Variants in LRRC4C observed in about 807,000 individuals in gnomAD.
LRRC4C encodes the protein leucine-rich repeat-containing protein 4C.
A neutral mutation model predicts 33.6 loss-of-function variants in LRRC4C; 5 were observed. The ratio of observed to expected loss-of-function variants is 0.15; its 90% CI spans 0.08 to 0.31. LRRC4C has a LOEUF of 0.31. LRRC4C is among the 10% of genes least tolerant of loss of function. The probability of loss-of-function intolerance (pLI) is 1.00; values close to 1 mark genes in which losing one functional copy is unlikely to be tolerated. For synonymous variants in LRRC4C, 329 were observed against 302.0 expected, an observed-to-expected ratio of 1.09 and a Z score of -0.93; for missense variants, 560 against 796.7, an observed-to-expected ratio of 0.70 and a Z score of 3.58.
At chr11:40,357,944 G>A (rs955615665) in intron 3 of LRRC4C, among the ~76,000 whole-genome samples, 1 of 152,096 alleles carries the variant, frequency 6.6e-6, no homozygotes, top group African/African-American at 2.4e-5. Flanking sequence ...CAGCACTTTG[G>A]GAGGCCGAGG....
In LRRC4C at chr11:40,512,252, G is replaced by A. The variant is rs537093591; in HGVS notation, c.-270+135890C>T. 2.6e-5 allele frequency among the ~76,000 whole-genome samples: 4 copies of A among 152,164 alleles called. No homozygotes were observed. The East Asian group carries it at 5.8e-4, about 22-fold the overall frequency. On this transcript the variant is annotated intron_variant, in intron 3 of 6. Coordinates refer to ENST00000528697, the MANE Select transcript of LRRC4C (RefSeq NM_001258419.2). ...TAGCCAGTTGTGGTGGTACACACCC[G>A]TAGTTCCAGCTACTCGGCAGCTGAG...
intron 2 of LRRC4C, among the ~76,000 whole-genome samples, chr11:40,920,143 G>T (rs112440876): frequency 3.3e-5 from 5 of 152,142 alleles, no homozygotes; most frequent in Non-Finnish European, 7.4e-5. Flanking sequence ...TAAAAGCAAG[G>T]ATTCATTGAG....
rs151286719 is a variant in LRRC4C at position 41,133,776 on chromosome 11, C to T, written c.-495-200053G>A. Among the ~76,000 whole-genome samples, 201 of 152,248 alleles carry T rather than the reference C, an allele frequency of 1.3e-3. 1 individual carries two copies. The highest frequency in any genetic ancestry group is 4.7e-3 in the African/African-American group (196 of 41,548). ...CACCATCAATCATGCTACATAGCAT[C>T]CTTATCTTACCTTAAAGCATTCTTT... On this transcript the variant is annotated intron_variant, in intron 1 of 6. Coordinates refer to ENST00000528697, the MANE Select transcript of LRRC4C (RefSeq NM_001258419.2).
intron 1 of LRRC4C, among the ~76,000 whole-genome samples, chr11:41,159,124 A>G (rs1298910227): frequency 6.6e-6 from 1 of 151,952 alleles, no homozygotes; most frequent in Admixed American, 6.6e-5. Context: ...CATTTCTACA[A>G]AAATAATTTA....
intron 1 of LRRC4C, among the ~76,000 whole-genome samples, chr11:41,215,856 T>C (rs1473220178): frequency 1.3e-5 from 2 of 152,312 alleles, no homozygotes; most frequent in East Asian, 1.9e-4. Flanking sequence ...TGTTTTCATT[T>C]TGGGGGACAT....
chr11:41,021,007 A>G (rs1242258501), intron 1 of LRRC4C, among the ~76,000 whole-genome samples: 1 of 152,302 alleles, frequency 6.6e-6, no homozygotes, highest in South Asian at 2.1e-4. Context: ...GCTGATTTGC[A>G]TCACTTGCTC....
intron 4 of LRRC4C, among the ~76,000 whole-genome samples, chr11:40,263,257 C>T (rs905680054): frequency 6.6e-6 from 1 of 152,062 alleles, no homozygotes; most frequent in Non-Finnish European, 1.5e-5. Context: ...TGCTATGGGA[C>T]ATGGGACCAG....
chr11:40,619,052 AC>A (rs1239592572), intron 3 of LRRC4C, among the ~76,000 whole-genome samples: 1 of 151,698 alleles, frequency 6.6e-6, no homozygotes, highest in Non-Finnish European at 1.5e-5. Flanking sequence ...AGAAAGACAA[AC>A]ATCACATGTT....
chr11:40,452,313 A>T (rs1309631189), intron 3 of LRRC4C, among the ~76,000 whole-genome samples: 2 of 152,138 alleles, frequency 1.3e-5, no homozygotes. Context: ...GAATCTACAA[A>T]GAACTCAAAC....
intron 1 of LRRC4C, among the ~76,000 whole-genome samples, chr11:41,176,312 T>C (rs1417408197): frequency 6.6e-6 from 1 of 152,210 alleles, no homozygotes; most frequent in Non-Finnish European, 1.5e-5. Context: ...TCTAAGTCTT[T>C]ATAAGAAGAT....
In LRRC4C at chr11:41,290,295, A is replaced by T. The variant is rs189911871; in HGVS notation, c.-496+169136T>A. Among the ~76,000 whole-genome samples, 331 of 152,258 alleles carry T rather than the reference A, an allele frequency of 2.2e-3. 2 individuals carry two copies. Among genetic ancestry groups the T allele is most frequent in the African/African-American group, 7.6e-3 (317 of 41,544 alleles). On this transcript the variant is annotated intron_variant, in intron 1 of 6. Coordinates refer to ENST00000528697, the MANE Select transcript of LRRC4C (RefSeq NM_001258419.2). ...AACAGAAATGTAGAAAACTATAAGCACTCCTGCCTTTCTATACAAGTTTGT... is the reference window on the plus strand; with the variant it reads ...AACAGAAATGTAGAAAACTATAAGCTCTCCTGCCTTTCTATACAAGTTTGT...
intron 1 of LRRC4C, among the ~76,000 whole-genome samples, chr11:41,014,486 C>T (rs1222041827): frequency 2.8e-5 from 3 of 108,336 alleles, no homozygotes; most frequent in African/African-American, 6.3e-5. Flanking sequence ...TTTTCTATTG[C>T]AGTTTTTTTT....
intron 2 of LRRC4C, among the ~76,000 whole-genome samples, chr11:40,887,308 G>A (rs1259572679): frequency 6.6e-6 from 1 of 151,904 alleles, no homozygotes; most frequent in East Asian, 1.9e-4. Context: ...AGGAAATATG[G>A]AAATATTAGT....
intron 1 of LRRC4C, among the ~76,000 whole-genome samples, chr11:41,388,394 T>C (rs1169345115): frequency 2.0e-5 from 3 of 151,870 alleles, no homozygotes; most frequent in Non-Finnish European, 1.5e-5. Flanking sequence ...TAATAGTGTG[T>C]TCCCATTTAA....
intron 3 of LRRC4C, among the ~76,000 whole-genome samples, chr11:40,618,801 A>T (rs537044168): frequency 7.2e-5 from 11 of 151,872 alleles, no homozygotes; most frequent in Middle Eastern, 3.4e-3. Context: ...CACAGGGAAA[A>T]CGACACTTCC....
At chr11:40,499,777 T>C (rs1590927244) in intron 3 of LRRC4C, among the ~76,000 whole-genome samples, 1 of 152,106 alleles carries the variant, frequency 6.6e-6, no homozygotes, top group East Asian at 1.9e-4. Flanking sequence ...AAAGGGGAAA[T>C]GAGTAGTTAC....
rs566784533 is a variant in LRRC4C at position 40,382,303 on chromosome 11, A to G, written c.-269-62582T>C. Among the ~76,000 whole-genome samples the G allele has an allele frequency of 1.3e-4, 20 of 151,062 alleles. No individual in the cohort carries two copies. In the South Asian group the frequency reaches 4.2e-3, roughly 32 times the overall value. ...AGCCGTGTTTTTACTTTTTTAATTT[A>G]ATTTTTATATTTTATTTAAAATTGT... On this transcript the variant is annotated intron_variant, in intron 3 of 6. Transcript: ENST00000528697.
chr11:41,290,118 C>T (rs143986701), intron 1 of LRRC4C, among the ~76,000 whole-genome samples: 1 of 152,094 alleles, frequency 6.6e-6, no homozygotes, highest in African/African-American at 2.4e-5. Context: ...GGTATCTAGT[C>T]GGAGAGAGAG....
chr11:41,433,203 T>G (rs1396336995), intron 1 of LRRC4C, among the ~76,000 whole-genome samples: 1 of 152,170 alleles, frequency 6.6e-6, no homozygotes, highest in African/African-American at 2.4e-5. Context: ...TGTCCTGGTA[T>G]TATTTGCTTA....
Sources: allele counts gnomAD v4.1 joint callset (sites outside exome capture counted in the v4.1 genomes callset), GRCh38; gene constraint gnomAD v4.1.1; transcripts MANE v1.5; gene names NCBI Gene and HGNC (gene_info 2026-07-23, HGNC 2026-07-21).